The following SEC14L4 variants were observed in gnomAD, a reference collection of about 807,000 sequenced individuals.
SEC14L4 encodes SEC14 like lipid binding 4, also known as SEC14-like protein 4.
A neutral mutation model predicts 55.1 loss-of-function variants in SEC14L4; 42 were observed. That is an observed-to-expected ratio of 0.76 (90% CI 0.60 to 0.99). The LOEUF is 0.99. Ranked by LOEUF, SEC14L4 falls within the 50% of genes least tolerant of loss-of-function variation. The probability of loss-of-function intolerance (pLI) is 0.00; values close to 1 mark genes in which losing one functional copy is unlikely to be tolerated. For synonymous variants in SEC14L4, 206 were observed against 206.8 expected (o/e 1.00, Z 0.03); for missense variants, 445 against 512.1 (o/e 0.87, Z 1.27).
At chr22:30,496,125 GTGTT>G (rs1422936988) in intron 2 of SEC14L4, among the ~76,000 whole-genome samples, 154 bp from the exon 3 acceptor site, 2 of 152,136 alleles carry the variant, frequency 1.3e-5, no homozygotes, top group Non-Finnish European at 2.9e-5. Context: ...GTTTGTTTGT[GTGTT>G]TATTTTTTGA....
At chr22:30,496,248 G>C (rs1038923266) in intron 2 of SEC14L4, among the ~76,000 whole-genome samples, 2 of 151,980 alleles carry the variant, frequency 1.3e-5, no homozygotes, top group African/African-American at 4.8e-5. Context: ...GAGTAGCTGA[G>C]ACTACAGGGC....
At chr22:30,495,897 AG>A (rs1462791090) in intron 3 of SEC14L4, 30 bp downstream of exon 3, 11 of 1,610,668 alleles carry the variant, frequency 6.8e-6, no homozygotes, top group African/African-American at 1.3e-5. Context: ...AGTGCATGGA[AG>A]GCAGGGCAGT....
At position 30,505,615 on chromosome 22, in the gene SEC14L4, G is replaced by T. The variant is rs1244884536; in HGVS notation, c.-4C>A. On this transcript the variant is annotated 5_prime_UTR_variant, in exon 1 of 12. Transcript: ENST00000255858. ...GGTCCCCGACTCGGCTGCTCATGGT[G>T]CCCGCGGGCGCAGAAAGGCTCAGGG... 1.9e-6 allele frequency: 3 copies of T among 1,553,218 alleles called. No homozygotes were observed. Among genetic ancestry groups the T allele is most frequent in the Non-Finnish European group, 2.6e-6 (3 of 1,154,166 alleles).
intron 7 of SEC14L4, among the ~76,000 whole-genome samples, chr22:30,493,596 A>G (rs901212110): frequency 1.3e-5 from 2 of 152,230 alleles, no homozygotes; most frequent in Non-Finnish European, 2.9e-5. Context: ...CCACACTGAC[A>G]TAAGTAAGTA....
At chr22:30,490,324 C>T in intron 11 of SEC14L4, 78 bp from the exon 12 acceptor site, 1 of 1,592,018 alleles carries the variant, frequency 6.3e-7, no homozygotes, top group Non-Finnish European at 8.5e-7. Context: ...TGGGTGCATC[C>T]CTGGAACCCT....
chr22:30,500,279 T>C (rs558968765), intron 2 of SEC14L4, among the ~76,000 whole-genome samples: 1 of 152,306 alleles, frequency 6.6e-6, no homozygotes, highest in Admixed American at 6.5e-5. Flanking sequence ...TTTATTGGTC[T>C]GATGACGTTT....
chr22:30,492,198 C>T (rs1036567713), intron 8 of SEC14L4, 43 bp from the exon 9 acceptor site: 1 of 1,577,644 alleles, frequency 6.3e-7, no homozygotes. Flanking sequence ...ACTCAGGAGA[C>T]TCAACAGAGG....
intron 7 of SEC14L4, 44 bp from the exon 8 acceptor site, chr22:30,492,601 C>T (rs760636455): frequency 1.9e-5 from 28 of 1,489,426 alleles, no homozygotes; most frequent in Admixed American, 1.5e-4. Flanking sequence ...CCAGAAAGGA[C>T]GTGGGGATAC....
Position 30,500,831 on chromosome 22 carries a change from C to A in SEC14L4, c.130+2846G>T, listed in dbSNP as rs538905794. On this transcript the variant is annotated intron_variant, in intron 2 of 11. Transcript: ENST00000255858. Reference sequence around the variant, plus strand: ...GCTGAGGGGACCAGGGCAGGCACATCCCTGCCCTGATGGAACTGGCATCAG... The same window carrying A: ...GCTGAGGGGACCAGGGCAGGCACATACCTGCCCTGATGGAACTGGCATCAG... 2.9e-5 allele frequency among the ~76,000 whole-genome samples: 4 copies of A among 135,968 alleles called. No homozygotes were observed. The South Asian group carries it at 9.6e-4, about 33-fold the overall frequency. The allele number at this position is 135,968 out of a possible 152,430, so 89.2% of individuals were successfully genotyped here.
chr22:30,492,301 G>T, intron 8 of SEC14L4, 146 bp from the exon 9 acceptor site: 1 of 1,204,452 alleles, frequency 8.3e-7, no homozygotes, highest in Non-Finnish European at 1.2e-6. Context: ...ACCTTTATGT[G>T]GCTCCCAGCC....
Position 30,490,085 on chromosome 22 carries a change from C to T in SEC14L4, c.*22G>A, listed in dbSNP as rs1935900322. On this transcript the variant is annotated 3_prime_UTR_variant, in exon 12 of 12. Coordinates refer to ENST00000255858, the MANE Select transcript of SEC14L4 (RefSeq NM_174977.4). Reference sequence around the variant, plus strand: ...GTGGGTGTGAAGGGGTTGGAGTGCACAGGTAGAGGTGGCTGGGGTCTTCAC... The same window carrying T: ...GTGGGTGTGAAGGGGTTGGAGTGCATAGGTAGAGGTGGCTGGGGTCTTCAC... The T allele has an allele frequency of 2.5e-6, 4 of 1,611,166 alleles. No individual in the cohort carries two copies. The highest frequency in any genetic ancestry group is 4.5e-5 in the East Asian group (2 of 44,828).
At chr22:30,495,847 G>A (rs928669210) in intron 3 of SEC14L4, 81 bp downstream of exon 3, 3 of 1,590,532 alleles carry the variant, frequency 1.9e-6, no homozygotes, top group Admixed American at 1.7e-5. Flanking sequence ...ATGGGACAGG[G>A]CCAGAGTCTC....
intron 7 of SEC14L4, among the ~76,000 whole-genome samples, chr22:30,493,002 T>C (rs1936014952): frequency 1.4e-5 from 2 of 147,818 alleles, no homozygotes; most frequent in Admixed American, 1.4e-4. Flanking sequence ...AAGAATTGCT[T>C]GAACCTGGGA....
At position 30,503,738 on chromosome 22, in the gene SEC14L4, G is replaced by T; in HGVS notation, c.69C>A (p.Leu23=). Residue 23 remains leucine (L), a synonymous_variant, in exon 2 of 12, where the codon CTC becomes CTA. Coordinates refer to ENST00000255858, the MANE Select transcript of SEC14L4 (RefSeq NM_174977.4). ...QEALARFREN[L]QDLLPILPNA... is the part of the protein sequence containing the mutation. ...TGGGCAGTATGGGCAGCAGGTCCTG[G>T]AGGTTCTCCCGGAACTGAGCGGAGG... 2 of 1,612,290 alleles carry T rather than the reference G, an allele frequency of 1.2e-6. No individual in the cohort carries two copies. The highest frequency in any genetic ancestry group is 1.7e-6 in the Non-Finnish European group (2 of 1,178,860).
Position 30,490,140 on chromosome 22 carries a change from ACT to A in SEC14L4, c.1186_1187del (p.Leu397GlnfsTer56). The A allele has an allele frequency of 1.9e-6, 3 of 1,613,556 alleles. No individual in the cohort carries two copies. Among genetic ancestry groups the A allele is most frequent in the Non-Finnish European group, 2.5e-6 (3 of 1,179,872 alleles). The part of the protein sequence containing the change: ...PDKASEETLQ[S>X]LKAMRPSPTQ Reference sequence around the variant, plus strand: ...TTGGGGAGGGTCTCATCGCCTTGAGACTCTGCAGCGTCTCCTCAGAGGCCTTG... The same window carrying A: ...TTGGGGAGGGTCTCATCGCCTTGAGACTGCAGCGTCTCCTCAGAGGCCTTG... On this transcript the variant is annotated frameshift_variant, in exon 12 of 12. Transcript: ENST00000255858. LOFTEE classifies it low-confidence loss of function (END_TRUNC).
chr22:30,494,756 C>A (rs1936082151), intron 6 of SEC14L4, 110 bp downstream of exon 6: 2 of 726,182 alleles, frequency 2.8e-6, no homozygotes, highest in Non-Finnish European at 2.4e-6. Flanking sequence ...GGAGCCCCTG[C>A]AAGGCATCCC....
At chr22:30,502,369 G>A (rs1936357328) in intron 2 of SEC14L4, among the ~76,000 whole-genome samples, 1 of 152,110 alleles carries the variant, frequency 6.6e-6, no homozygotes, top group African/African-American at 2.4e-5. Context: ...GCTTGCCACA[G>A]GCACATGCTA....
intron 3 of SEC14L4, 52 bp from the exon 4 acceptor site, chr22:30,495,694 A>G: frequency 6.2e-7 from 1 of 1,612,906 alleles, no homozygotes; most frequent in Non-Finnish European, 8.5e-7. Flanking sequence ...TGGGGACACC[A>G]GGCTAGGTCC....
chr22:30,497,293 C>T (rs753805676), intron 2 of SEC14L4, among the ~76,000 whole-genome samples: 4 of 151,988 alleles, frequency 2.6e-5, no homozygotes, highest in African/African-American at 7.2e-5. Flanking sequence ...GAGCCGAGAT[C>T]GCATCATTGC....
Sources: allele counts gnomAD v4.1 joint callset (sites outside exome capture counted in the v4.1 genomes callset), GRCh38; gene constraint gnomAD v4.1.1; transcripts MANE v1.5; gene names NCBI Gene and HGNC (gene_info 2026-07-23, HGNC 2026-07-21).